The following ADCY8 variants were observed in gnomAD, a reference collection of about 807,000 sequenced individuals.
The protein encoded by ADCY8 is adenylate cyclase type 8.
ADCY8 carries 51 observed loss-of-function variants against 119.7 expected under a neutral mutation model. The observed-to-expected ratio is 0.43, with a 90% CI of 0.34 to 0.54. ADCY8 has a LOEUF of 0.54. ADCY8 is among the 20% of genes least tolerant of loss of function. The pLI is 0.03. For synonymous variants in ADCY8, 665 were observed against 651.0 expected, an observed-to-expected ratio of 1.02 and a Z score of -0.33; for missense variants, 1,383 against 1,598.8, an observed-to-expected ratio of 0.87 and a Z score of 2.30.
intron 5 of ADCY8, among the ~76,000 whole-genome samples, chr8:130,918,798 A>G (rs927441394): frequency 6.6e-6 from 1 of 152,228 alleles, no homozygotes; most frequent in Non-Finnish European, 1.5e-5. Flanking sequence ...ACGGTGGCTC[A>G]TGCCGTAATC....
At chr8:131,027,107 G>A (rs1052244372) in intron 1 of ADCY8, among the ~76,000 whole-genome samples, 10 of 152,212 alleles carry the variant, frequency 6.6e-5, no homozygotes, top group African/African-American at 2.2e-4. Flanking sequence ...TGAGAGTCAT[G>A]CTTGAAGGAC....
intron 7 of ADCY8, among the ~76,000 whole-genome samples, chr8:130,896,252 C>T (rs74485277): frequency 0.027 from 4,163 of 152,210 alleles, 198 homozygotes; most frequent in African/African-American, 0.092. Context: ...GCTTGCCCCA[C>T]CTTCGTCTCT....
intron 15 of ADCY8, among the ~76,000 whole-genome samples, chr8:130,793,871 T>C (rs893583570): frequency 6.6e-6 from 1 of 152,322 alleles, no homozygotes; most frequent in East Asian, 1.9e-4. Flanking sequence ...CTGGGTTAAA[T>C]AGTGCCTCTC....
chr8:130,866,318 A>G (rs769415840), intron 9 of ADCY8, among the ~76,000 whole-genome samples: 5 of 132,570 alleles, frequency 3.8e-5, no homozygotes, highest in Admixed American at 7.6e-5. Context: ...GCCCTTGCAT[A>G]TTAGTTAACT....
chr8:131,001,038 G>A (rs1822930107), intron 1 of ADCY8, among the ~76,000 whole-genome samples: 1 of 152,088 alleles, frequency 6.6e-6, no homozygotes, highest in Non-Finnish European at 1.5e-5. Flanking sequence ...TCCCATTCCT[G>A]TCTAGGGCCT....
In ADCY8 at chr8:130,853,093, G is replaced by A. The variant is rs80102534; in HGVS notation, c.2211-3290C>T. Among the ~76,000 whole-genome samples, 1,105 of 152,318 alleles carry A rather than the reference G, an allele frequency of 7.3e-3. 6 individuals carry two copies. The highest frequency in any genetic ancestry group is 0.01 in the Non-Finnish European group (685 of 68,034). ...GGAAGGGCTAATCCAGAAACTATCG[G>A]GGGTGCTCAGTGGACCTCATTTTCC... On this transcript the variant is annotated intron_variant, in intron 9 of 17. Transcript: ENST00000286355.
intron 2 of ADCY8, among the ~76,000 whole-genome samples, chr8:130,965,518 G>A (rs1459329076): frequency 2.6e-5 from 4 of 152,090 alleles, no homozygotes; most frequent in Non-Finnish European, 1.5e-5. Context: ...TAAACCTGTG[G>A]TATGTGCCTA....
intron 8 of ADCY8, among the ~76,000 whole-genome samples, chr8:130,883,343 G>T (rs1023140016): frequency 5.9e-5 from 9 of 152,268 alleles, no homozygotes; most frequent in African/African-American, 2.2e-4. Flanking sequence ...ATTATATGAT[G>T]AATAAGAGAA....
At chr8:130,823,629 G>A (rs1816585968) in intron 12 of ADCY8, among the ~76,000 whole-genome samples, 1 of 152,088 alleles carries the variant, frequency 6.6e-6, no homozygotes, top group African/African-American at 2.4e-5. Flanking sequence ...ACAATCTTTA[G>A]AGATCATCTT....
chr8:130,847,336 A>G (rs939722048), intron 11 of ADCY8, 88 bp downstream of exon 11: 38 of 937,070 alleles, frequency 4.1e-5, no homozygotes, highest in African/African-American at 6.7e-5. Context: ...AGTATTTTCT[A>G]TGGCCCTTCA....
chr8:130,941,646 A>T (rs1335337371), intron 4 of ADCY8, among the ~76,000 whole-genome samples: 2 of 151,822 alleles, frequency 1.3e-5, no homozygotes, highest in Non-Finnish European at 2.9e-5. Flanking sequence ...CTCAGTTTCC[A>T]CTTCCTCCTC....
intron 12 of ADCY8, among the ~76,000 whole-genome samples, chr8:130,822,428 G>A (rs893899778): frequency 6.6e-6 from 1 of 152,184 alleles, no homozygotes; most frequent in African/African-American, 2.4e-5. Flanking sequence ...TCCACTGTGA[G>A]TGCTAAAGTG....
intron 1 of ADCY8, among the ~76,000 whole-genome samples, chr8:130,995,294 T>C (rs1037720855): frequency 5.3e-5 from 8 of 152,086 alleles, no homozygotes; most frequent in Admixed American, 3.9e-4. Flanking sequence ...AGTTGAAAAG[T>C]GGGCTTGGGA....
chr8:130,971,844 T>G (rs1821932480), intron 2 of ADCY8, among the ~76,000 whole-genome samples: 1 of 152,214 alleles, frequency 6.6e-6, no homozygotes, highest in East Asian at 1.9e-4. Context: ...TTCAAATAGT[T>G]GGATGTGGAA....
Position 131,000,578 on chromosome 8 carries a change from G to A in ADCY8, c.961-10036C>T, listed in dbSNP as rs1291208014. ...ATAACATGAGCATTCTGTAGATGCC[G>A]GAACTGAAGCTCGAAGTTTAGTCAT... On this transcript the variant is annotated intron_variant, in intron 1 of 17. Transcript: ENST00000286355. Among the ~76,000 whole-genome samples, 6 of 152,200 alleles carry A rather than the reference G, an allele frequency of 3.9e-5. No homozygotes were observed. In the East Asian group the frequency reaches 9.7e-4, roughly 25 times the overall value.
chr8:130,972,401 T>G (rs1225634121), intron 2 of ADCY8, among the ~76,000 whole-genome samples: 1 of 152,148 alleles, frequency 6.6e-6, no homozygotes, highest in East Asian at 1.9e-4. Context: ...TGGGATCAAT[T>G]TGCAACACAT....
chr8:130,846,617 TTTCCTTCCTTCCTTCTCCTTCCTTCC>T (rs1817308983), intron 11 of ADCY8, among the ~76,000 whole-genome samples: 1 of 112,042 alleles, frequency 8.9e-6, no homozygotes, highest in Non-Finnish European at 1.8e-5. Flanking sequence ...CTTCCTTCCT[TTTCCTTCCTTCCTTCTCCTTCCTTCC>T]CTCCTTCCTT....
chr8:130,877,032 A>G (rs1818592940), intron 8 of ADCY8, among the ~76,000 whole-genome samples: 1 of 152,208 alleles, frequency 6.6e-6, no homozygotes, highest in South Asian at 2.1e-4. Flanking sequence ...TACCTGTCAA[A>G]TAGTACAATT....
intron 7 of ADCY8, among the ~76,000 whole-genome samples, chr8:130,900,500 T>C (rs1055387742): frequency 6.6e-6 from 1 of 152,188 alleles, no homozygotes; most frequent in African/African-American, 2.4e-5. Context: ...TTGCCAATGA[T>C]GTCCTTCAAT....
Sources: allele counts gnomAD v4.1 joint callset (sites outside exome capture counted in the v4.1 genomes callset), GRCh38; gene constraint gnomAD v4.1.1; transcripts MANE v1.5; gene names NCBI Gene and HGNC (gene_info 2026-07-23, HGNC 2026-07-21).